KHDRBS2: variants seen among roughly 807,000 people sequenced by gnomAD.
The protein encoded by KHDRBS2 is KH domain-containing, RNA-binding, signal transduction-associated protein 2.
A neutral mutation model predicts 44.3 loss-of-function variants in KHDRBS2; 26 were observed. That is an observed-to-expected ratio of 0.59 (90% CI 0.43 to 0.81). The LOEUF is 0.81. Ranked by LOEUF, KHDRBS2 falls within the 40% of genes least tolerant of loss-of-function variation. The probability of loss-of-function intolerance (pLI) is 0.00; values close to 1 mark genes in which losing one functional copy is unlikely to be tolerated. For missense variants in KHDRBS2, 476 were observed against 433.1 expected (o/e 1.10, Z -0.88); for synonymous variants, 194 against 151.1 (o/e 1.28, Z -2.08).
the KHDRBS2 span, among the ~76,000 whole-genome samples, chr6:61,613,256 G>A: frequency 6.6e-6 from 1 of 152,142 alleles, no homozygotes; most frequent in Admixed American, 6.6e-5. Flanking sequence ...TATTTCCTGC[G>A]ATAACTTCTG....
At chr6:61,930,546 G>A (rs9345758) in intron 4 of KHDRBS2, among the ~76,000 whole-genome samples, 31,627 of 47,328 alleles carry the variant, frequency 0.67, 9,048 homozygotes, top group African/African-American at 0.8. Flanking sequence ...AAAAAAAAAA[G>A]AAAAAAAAAA....
the KHDRBS2 span, among the ~76,000 whole-genome samples, chr6:61,673,200 A>T: frequency 3.3e-5 from 5 of 151,728 alleles, no homozygotes; most frequent in Admixed American, 2.6e-4. Context: ...TGTTCTATTG[A>T]TCTATATCTC....
chr6:61,830,629 C>G (rs1367773958), intron 6 of KHDRBS2, among the ~76,000 whole-genome samples: 1 of 152,114 alleles, frequency 6.6e-6, no homozygotes, highest in Non-Finnish European at 1.5e-5. Flanking sequence ...GCAGTCCAAC[C>G]TTTTCTCATT....
intron 4 of KHDRBS2, among the ~76,000 whole-genome samples, chr6:61,950,238 C>G (rs757195923): frequency 3.3e-5 from 5 of 152,040 alleles, no homozygotes; most frequent in Non-Finnish European, 5.9e-5. Flanking sequence ...AGCTCCAAGA[C>G]TTGAATGGCT....
At chr6:61,789,568 C>G (rs1363193655) in intron 6 of KHDRBS2, among the ~76,000 whole-genome samples, 1 of 151,410 alleles carries the variant, frequency 6.6e-6, no homozygotes, top group Non-Finnish European at 1.5e-5. Context: ...AAAACTCCAC[C>G]AAATAAATTG....
At chr6:62,211,038 C>A (rs1450243764) in intron 1 of KHDRBS2, among the ~76,000 whole-genome samples, 4 of 152,078 alleles carry the variant, frequency 2.6e-5, no homozygotes, top group Non-Finnish European at 4.4e-5. Context: ...AACACCCATA[C>A]ACAGTTCCAA....
At chr6:62,165,172 C>CT (rs1337391444) in intron 2 of KHDRBS2, among the ~76,000 whole-genome samples, 2 of 151,408 alleles carry the variant, frequency 1.3e-5, no homozygotes, top group South Asian at 2.1e-4. Context: ...TCATTTCAAT[C>CT]TTTTTTTGGA....
At chr6:62,114,680 T>C (rs892851558) in intron 2 of KHDRBS2, among the ~76,000 whole-genome samples, 55 of 151,932 alleles carry the variant, frequency 3.6e-4, no homozygotes, top group Non-Finnish European at 3.1e-4. Flanking sequence ...TCCAAGTACT[T>C]TACATATACT....
chr6:62,264,564 T>C (rs1435896643), intron 1 of KHDRBS2, among the ~76,000 whole-genome samples: 2 of 151,710 alleles, frequency 1.3e-5, no homozygotes, highest in Admixed American at 1.3e-4. Context: ...TATCCTTTCT[T>C]ATCCCAACAG....
At chr6:61,655,197 T>G in the KHDRBS2 span, among the ~76,000 whole-genome samples, 1 of 150,084 alleles carries the variant, frequency 6.7e-6, no homozygotes, top group African/African-American at 2.5e-5. Context: ...AACACTAGGT[T>G]CTTAGAACGT....
intron 6 of KHDRBS2, among the ~76,000 whole-genome samples, chr6:61,740,295 A>T (rs1775958570): frequency 6.6e-6 from 1 of 151,982 alleles, no homozygotes; most frequent in Non-Finnish European, 1.5e-5. Flanking sequence ...TTATGAAACT[A>T]AATTGTGTTT....
intron 2 of KHDRBS2, among the ~76,000 whole-genome samples, chr6:62,163,635 T>C (rs1818097818): frequency 6.6e-6 from 1 of 151,964 alleles, no homozygotes; most frequent in African/African-American, 2.4e-5. Context: ...TCCACAATTA[T>C]CTCAATGCCT....
chr6:61,560,061 T>C, the KHDRBS2 span, among the ~76,000 whole-genome samples: 2 of 152,182 alleles, frequency 1.3e-5, no homozygotes, highest in Middle Eastern at 3.2e-3. Flanking sequence ...ATGTTTGAAG[T>C]ATATTTTGAT....
chr6:62,061,121 T>G (rs1034822588), intron 2 of KHDRBS2, among the ~76,000 whole-genome samples: 1 of 152,074 alleles, frequency 6.6e-6, no homozygotes, highest in African/African-American at 2.4e-5. Flanking sequence ...TCTTGACTCT[T>G]TATCCAATTT....
the KHDRBS2 span, among the ~76,000 whole-genome samples, chr6:61,572,276 T>TA: frequency 5.3e-5 from 8 of 151,356 alleles, no homozygotes; most frequent in Non-Finnish European, 1.0e-4. Flanking sequence ...AAGGAAGAAA[T>TA]AAAAAAATCT....
chr6:61,696,288 G>T (rs546729795), intron 8 of KHDRBS2, among the ~76,000 whole-genome samples: 2 of 122,322 alleles, frequency 1.6e-5, no homozygotes, highest in African/African-American at 5.6e-5. Context: ...ACTGAGTCTC[G>T]CTCTGTTGCC....
chr6:61,902,000 C>T (rs1170036478), intron 4 of KHDRBS2, among the ~76,000 whole-genome samples: 5 of 152,090 alleles, frequency 3.3e-5, no homozygotes, highest in Admixed American at 6.6e-5. Context: ...CTGTCGCCCA[C>T]GCTGGAGTAC....
chr6:61,777,929 G>A (rs558051283), intron 6 of KHDRBS2, among the ~76,000 whole-genome samples: 82 of 151,992 alleles, frequency 5.4e-4, no homozygotes, highest in African/African-American at 1.7e-3. Flanking sequence ...GGAGTTTGTC[G>A]TATGAATTAT....
intron 7 of KHDRBS2, among the ~76,000 whole-genome samples, chr6:61,727,127 C>A (rs1467634297): frequency 1.3e-5 from 2 of 152,078 alleles, no homozygotes; most frequent in Non-Finnish European, 2.9e-5. Flanking sequence ...CACACACCTA[C>A]AACCATCTGA....
Sources: allele counts gnomAD v4.1 joint callset (sites outside exome capture counted in the v4.1 genomes callset), GRCh38; gene constraint gnomAD v4.1.1; transcripts MANE v1.5; gene names NCBI Gene and HGNC (gene_info 2026-07-23, HGNC 2026-07-21).